Variants in AGAP1 observed in about 807,000 individuals in gnomAD.
The protein encoded by AGAP1 is ArfGAP with GTPase domain, ankyrin repeat and PH domain 1, also known as arf-GAP with GTPase, ANK repeat and PH domain-containing protein 1.
In AGAP1, 29 loss-of-function variants were observed where a neutral mutation model predicts 105.3. The observed-to-expected ratio is 0.28, with a 90% CI of 0.21 to 0.38. The LOEUF (loss-of-function observed/expected upper bound fraction) is 0.38. AGAP1 is among the 10% of genes least tolerant of loss of function. AGAP1 has a pLI of 1.00. For synonymous variants in AGAP1, 509 were observed against 485.9 expected (o/e 1.05, Z -0.63); for missense variants, 998 against 1,165.1 (o/e 0.86, Z 2.09).
At chr2:235,831,886 A>T (rs535525721) in intron 9 of AGAP1, among the ~76,000 whole-genome samples, 3 of 152,360 alleles carry the variant, frequency 2.0e-5, no homozygotes, top group African/African-American at 7.2e-5. Flanking sequence ...GGAAACTGCC[A>T]AACAGTCTTC....
intron 1 of AGAP1, among the ~76,000 whole-genome samples, chr2:235,688,873 A>G (rs1416969053): frequency 2.0e-5 from 3 of 151,998 alleles, no homozygotes; most frequent in East Asian, 1.9e-4. Context: ...GCCAGAACCA[A>G]CTGTGCCTGT....
rs117567189 is a variant in AGAP1 at position 235,970,651 on chromosome 2, C to T, written c.1645+2028C>T. Among the ~76,000 whole-genome samples the T allele has an allele frequency of 6.6e-6, 1 of 152,336 alleles. No individual in the cohort carries two copies. The highest frequency in any genetic ancestry group is 1.9e-4 in the East Asian group (1 of 5,192). On this transcript the variant is annotated intron_variant, in intron 13 of 17. Coordinates refer to ENST00000304032, the MANE Select transcript of AGAP1 (RefSeq NM_001037131.3). The surrounding 1 kb of genome is among the most constrained non-coding windows in gnomAD (Gnocchi z 5.4). ...ACCTGGTGGGAACTGACCGTTGCCACTTAGATACACGTTCATTATCCCACC... is the reference window on the plus strand; with the variant it reads ...ACCTGGTGGGAACTGACCGTTGCCATTTAGATACACGTTCATTATCCCACC...
chr2:235,812,874 G>T (rs1379810827), intron 9 of AGAP1, among the ~76,000 whole-genome samples: 1 of 152,246 alleles, frequency 6.6e-6, no homozygotes, highest in African/African-American at 2.4e-5. Flanking sequence ...GCTCTGCCTG[G>T]GCGTAGGGGC....
At chr2:235,942,685 A>C (rs72987093) in intron 12 of AGAP1, among the ~76,000 whole-genome samples, 10,067 of 150,982 alleles carry the variant, frequency 0.067, 776 homozygotes, top group African/African-American at 0.18. Context: ...AAAAAAAAAA[A>C]TTACATTTTA....
chr2:235,602,189 A>G (rs1009450623), intron 1 of AGAP1, among the ~76,000 whole-genome samples: 11 of 152,238 alleles, frequency 7.2e-5, no homozygotes, highest in Non-Finnish European at 1.2e-4. Context: ...CTTGTGGTGC[A>G]TGACAATGAT....
rs1300976046 is a variant in AGAP1, at chr2:235,750,837, A to G, written c.673+349A>G. Among the ~76,000 whole-genome samples, 7 of 152,134 alleles carry G rather than the reference A, an allele frequency of 4.6e-5. No homozygotes were observed. In the East Asian group the frequency reaches 1.4e-3, roughly 29 times the overall value. On this transcript the variant is annotated intron_variant, in intron 6 of 17. Transcript: ENST00000304032. This position sits in a 1 kb window ranked among gnomAD's most constrained non-coding sequence, Gnocchi z 5.3. Reference sequence around the variant, plus strand: ...GAGCATTTCTTTATTGTAATTGCCCATTCTTAATCCAGTCCCGTCCTTTAA... The same window carrying G: ...GAGCATTTCTTTATTGTAATTGCCCGTTCTTAATCCAGTCCCGTCCTTTAA...
chr2:235,784,762 C>G (rs1956515724), intron 6 of AGAP1, among the ~76,000 whole-genome samples: 1 of 152,110 alleles, frequency 6.6e-6, no homozygotes, highest in Non-Finnish European at 1.5e-5. Context: ...CATCATGCAT[C>G]TCCTAAGTTT....
At chr2:236,029,113 C>G (rs1379967593) in intron 13 of AGAP1, among the ~76,000 whole-genome samples, 1 of 152,074 alleles carries the variant, frequency 6.6e-6, no homozygotes, top group Non-Finnish European at 1.5e-5. Context: ...CTCTCACGTT[C>G]TCCAGCATTT....
chr2:236,043,542 C>A (rs562330734), intron 15 of AGAP1, among the ~76,000 whole-genome samples: 29 of 152,214 alleles, frequency 1.9e-4, no homozygotes, highest in South Asian at 1.9e-3. Context: ...GCCTGGCCAG[C>A]GTGGTGAAAC....
intron 8 of AGAP1, among the ~76,000 whole-genome samples, chr2:235,803,338 T>C (rs1465982703): frequency 6.6e-6 from 1 of 152,246 alleles, no homozygotes; most frequent in South Asian, 2.1e-4. Context: ...AATTAAGATA[T>C]TAAATTTTTA....
Position 235,950,887 on chromosome 2 carries a change from C to CTTTTTT in AGAP1, c.1484-17548_1484-17543dup, listed in dbSNP as rs200110792. On this transcript the variant is annotated intron_variant, in intron 12 of 17. Transcript: ENST00000304032. ...AAATGTAACTCGGGATCTCCAAGCA[C>CTTTTTT]TTTTTTTTTTTTTTTTTTTTTTTTT... is the stretch of plus-strand genomic sequence containing the variant. Among the ~76,000 whole-genome samples the CTTTTTT allele has an allele frequency of 9.9e-4, 117 of 118,224 alleles. 6 individuals are homozygous for CTTTTTT. Among genetic ancestry groups the CTTTTTT allele is most frequent in the East Asian group, 2.0e-3 (7 of 3,550 alleles). The allele number at this position is 118,224 out of a possible 152,430, so 77.6% of individuals were successfully genotyped here.
chr2:235,927,287 C>T lies in AGAP1; in HGVS notation c.1325-3478C>T, dbSNP rs2052498559. Among the ~76,000 whole-genome samples the T allele has an allele frequency of 2.0e-5, 3 of 152,164 alleles. No individual in the cohort carries two copies. Among genetic ancestry groups the T allele is most frequent in the Non-Finnish European group, 4.4e-5 (3 of 68,034 alleles). On this transcript the variant is annotated intron_variant, in intron 11 of 17. Coordinates refer to ENST00000304032, the MANE Select transcript of AGAP1 (RefSeq NM_001037131.3). The surrounding 1 kb of genome is among the most constrained non-coding windows in gnomAD (Gnocchi z 4.4). ...TGTGGTCTTGCCAGGAGGTTCGTCACCCCAGAGGTTCCAGGTTGGTTCCTT... is the reference window on the plus strand; with the variant it reads ...TGTGGTCTTGCCAGGAGGTTCGTCATCCCAGAGGTTCCAGGTTGGTTCCTT...
chr2:235,702,934 G>GTTGTTTTTTTTTTTTTTTTTTTTT (rs1950325980), intron 1 of AGAP1, among the ~76,000 whole-genome samples: 1 of 88,946 alleles, frequency 1.1e-5, no homozygotes, highest in Non-Finnish European at 2.2e-5. Flanking sequence ...AGTTTTCTTG[G>GTTGTTTTTTTTTTTTTTTTTTTTT]TTTTTTTTTT....
intron 1 of AGAP1, among the ~76,000 whole-genome samples, chr2:235,504,043 G>A (rs1941680587): frequency 1.3e-5 from 2 of 151,946 alleles, no homozygotes; most frequent in Non-Finnish European, 2.9e-5. Flanking sequence ...CACCATGCCC[G>A]ACTAATTTTT....
rs1220503868 is a variant in AGAP1 at position 235,983,155 on chromosome 2, G to C, written c.1645+14532G>C. Among the ~76,000 whole-genome samples the C allele has an allele frequency of 6.6e-6, 1 of 152,252 alleles. No individual in the cohort carries two copies. The highest frequency in any genetic ancestry group is 1.9e-4 in the East Asian group (1 of 5,168). ...TCCCAGGATGCTGGGGCTGGTGGAC[G>C]ACCCCAGAGAAGGGACAGGATGGGG... On this transcript the variant is annotated intron_variant, in intron 13 of 17. Coordinates refer to ENST00000304032, the MANE Select transcript of AGAP1 (RefSeq NM_001037131.3). This position sits in a 1 kb window ranked among gnomAD's most constrained non-coding sequence, Gnocchi z 4.5.
At chr2:235,544,394 G>A (rs1162224830) in intron 1 of AGAP1, among the ~76,000 whole-genome samples, 7 of 152,202 alleles carry the variant, frequency 4.6e-5, no homozygotes, top group Non-Finnish European at 1.0e-4. Flanking sequence ...CTCTGTAGGA[G>A]TTTCCTACCA....
At chr2:235,717,215 C>G (rs1056213278) in intron 2 of AGAP1, among the ~76,000 whole-genome samples, 3 of 152,224 alleles carry the variant, frequency 2.0e-5, no homozygotes, top group African/African-American at 7.2e-5. Flanking sequence ...TTTTCCCAGT[C>G]TCTGGAGGGT....
chr2:235,581,811 AAAAG>A (rs1270399974), intron 1 of AGAP1, among the ~76,000 whole-genome samples: 2 of 152,212 alleles, frequency 1.3e-5, no homozygotes, highest in East Asian at 1.9e-4. Context: ...TCTTCAAAAA[AAAAG>A]AAAGAAAGAA....
At chr2:235,954,099 C>T (rs1335580017) in intron 12 of AGAP1, among the ~76,000 whole-genome samples, 9 of 151,876 alleles carry the variant, frequency 5.9e-5, no homozygotes, top group Non-Finnish European at 8.8e-5. Flanking sequence ...ATTAGCCAGG[C>T]GTGGTGGCAC....
Sources: allele counts gnomAD v4.1 joint callset (sites outside exome capture counted in the v4.1 genomes callset), GRCh38; gene constraint gnomAD v4.1.1; non-coding constraint Gnocchi (gnomAD v3.1); transcripts MANE v1.5; gene names NCBI Gene and HGNC (gene_info 2026-07-23, HGNC 2026-07-21).